Variants in STAG1 observed in about 807,000 individuals in gnomAD.
The protein encoded by STAG1 is STAG1 cohesin complex component, also known as cohesin subunit SA-1.
A neutral mutation model predicts 170.9 loss-of-function variants in STAG1; 26 were observed. The observed-to-expected ratio is 0.15, with a 90% CI of 0.11 to 0.21. The LOEUF (loss-of-function observed/expected upper bound fraction) is 0.21, where lower values mean the gene tolerates loss of function less well. Ranked by LOEUF, STAG1 falls within the 10% of genes least tolerant of loss-of-function variation. STAG1 has a pLI of 1.00. For missense variants in STAG1, 964 were observed against 1,509.5 expected (o/e 0.64, Z 5.99); for synonymous variants, 514 against 497.7 (o/e 1.03, Z -0.44).
chr3:136,431,802 C>T (rs1414921810), intron 16 of STAG1, among the ~76,000 whole-genome samples: 1 of 151,410 alleles, frequency 6.6e-6, no homozygotes, highest in Non-Finnish European at 1.5e-5. Flanking sequence ...TTGCTACTGC[C>T]CTCTACATTA....
intron 7 of STAG1, among the ~76,000 whole-genome samples, chr3:136,516,237 G>C (rs1299984174): frequency 6.6e-6 from 1 of 151,990 alleles, no homozygotes; most frequent in Admixed American, 6.6e-5. Context: ...TGAAAATGCA[G>C]GCTGGGTGTG....
chr3:136,486,998 T>TAA (rs2090027760), intron 9 of STAG1, among the ~76,000 whole-genome samples: 1 of 41,304 alleles, frequency 2.4e-5, no homozygotes, highest in African/African-American at 1.0e-4. Context: ...TTTTATTTCT[T>TAA]CAAAAAAAAA....
In STAG1 at chr3:136,341,432, A is replaced by C; in HGVS notation, c.3557+9T>G. Reference sequence around the variant, plus strand: ...GTTATGTTCTTGTGATACTCCATGTAACACTTACACAGCATGCCTCACTCC... The same window carrying C: ...GTTATGTTCTTGTGATACTCCATGTCACACTTACACAGCATGCCTCACTCC... On this transcript the variant is annotated intron_variant, in intron 31 of 33. Transcript: ENST00000383202. The C allele has an allele frequency of 6.4e-7, 1 of 1,560,782 alleles. No homozygotes were observed. The highest frequency in any genetic ancestry group is 2.2e-5 in the East Asian group (1 of 44,610).
At chr3:136,553,729 G>A (rs1413575835) in intron 5 of STAG1, among the ~76,000 whole-genome samples, 6 of 152,238 alleles carry the variant, frequency 3.9e-5, no homozygotes, top group African/African-American at 9.6e-5. Flanking sequence ...AGCCAAGATC[G>A]CGCCACTGCG....
chr3:136,684,137 C>G (rs1293833738), intron 1 of STAG1, among the ~76,000 whole-genome samples: 1 of 152,128 alleles, frequency 6.6e-6, no homozygotes, highest in Admixed American at 6.5e-5. Context: ...TAATCCCAAC[C>G]AAAATCCTAG....
intron 12 of STAG1, 39 bp from the exon 13 acceptor site, chr3:136,465,027 T>C: frequency 6.8e-7 from 1 of 1,461,216 alleles, no homozygotes; most frequent in Non-Finnish European, 9.4e-7. Context: ...CTAAAGCAAA[T>C]GTTTATTTTC....
At chr3:136,602,970 T>C (rs1938743818) in intron 4 of STAG1, among the ~76,000 whole-genome samples, 1 of 152,112 alleles carries the variant, frequency 6.6e-6, no homozygotes. Context: ...CAATACATGT[T>C]TCACCATTTA....
At chr3:136,751,172 G>GTTTTTTTTTTTTTTT (rs776717703) in intron 1 of STAG1, among the ~76,000 whole-genome samples, 1 of 136,160 alleles carries the variant, frequency 7.3e-6, no homozygotes, top group Non-Finnish European at 1.6e-5. Context: ...GACAAATTGC[G>GTTTTTTTTTTTTTTT]TTTTTTTTTT....
At chr3:136,520,167 GC>G (rs2107903326) in intron 7 of STAG1, among the ~76,000 whole-genome samples, 1 of 152,240 alleles carries the variant, frequency 6.6e-6, no homozygotes, top group South Asian at 2.1e-4. Context: ...AAATTTTAAA[GC>G]AGATATTTGC....
At chr3:136,603,730 AC>A in intron 4 of STAG1, among the ~76,000 whole-genome samples, 1 of 152,116 alleles carries the variant, frequency 6.6e-6, no homozygotes, top group East Asian at 1.9e-4. Context: ...TAAAAAACAT[AC>A]AAAAAATTAG....
chr3:136,411,275 T>A (rs2087616600), intron 21 of STAG1, among the ~76,000 whole-genome samples: 1 of 152,148 alleles, frequency 6.6e-6, no homozygotes, highest in Non-Finnish European at 1.5e-5. Flanking sequence ...GAAATTAATA[T>A]TTTATTTTTC....
intron 6 of STAG1, among the ~76,000 whole-genome samples, chr3:136,535,278 A>T (rs574647840): frequency 6.6e-6 from 1 of 152,326 alleles, no homozygotes; most frequent in South Asian, 2.1e-4. Context: ...AATAGTTATA[A>T]ACTTACAGTT....
chr3:136,362,655 C>T (rs896888357), intron 26 of STAG1, among the ~76,000 whole-genome samples: 5 of 148,140 alleles, frequency 3.4e-5, no homozygotes, highest in East Asian at 2.0e-4. Flanking sequence ...GAAATTTATA[C>T]GGATCATCAA....
intron 4 of STAG1, among the ~76,000 whole-genome samples, chr3:136,592,289 G>A (rs1462069287): frequency 6.6e-6 from 1 of 152,124 alleles, no homozygotes; most frequent in East Asian, 1.9e-4. Context: ...AATCATGGGG[G>A]TGGTATCCCC....
At chr3:136,562,157 G>A (rs1467753201) in intron 5 of STAG1, among the ~76,000 whole-genome samples, 3 of 152,036 alleles carry the variant, frequency 2.0e-5, no homozygotes, top group Admixed American at 6.6e-5. Flanking sequence ...AAGATTTCAC[G>A]TGTCTCAATA....
At chr3:136,419,555 G>A (rs981772873) in intron 20 of STAG1, among the ~76,000 whole-genome samples, 2 of 150,766 alleles carry the variant, frequency 1.3e-5, no homozygotes, top group Admixed American at 6.6e-5. Flanking sequence ...AGCGATTCTC[G>A]TGCCATAGCC....
chr3:136,404,881 G>A (rs923017295), intron 21 of STAG1, among the ~76,000 whole-genome samples: 1 of 152,026 alleles, frequency 6.6e-6, no homozygotes, highest in African/African-American at 2.4e-5. Flanking sequence ...GTGTGTGTGT[G>A]TGTGTGTGTG....
In STAG1 at chr3:136,452,130, T is replaced by C; in HGVS notation, c.1331A>G (p.Asp444Gly). Residue 444 changes from aspartate to glycine, a missense_variant, in exon 14 of 34, where the codon GAC becomes GGC. Asp to Gly is a moderately conservative substitution (Grantham distance 94, BLOSUM62 -1). This residue lies in a region of STAG1 where 162 missense variants were observed against 211.2 expected (regional missense o/e 0.77). Coordinates refer to ENST00000383202, the MANE Select transcript of STAG1 (RefSeq NM_005862.3). ...FLHKKLFSRH[D>G]PQAEEALAKR... is the part of the protein sequence containing the mutation. ...TGCTAATGCTTCTTCTGCTTGTGGG[T>C]CATGTCTGCTAAATAGCCTGGAAAT... is the stretch of plus-strand genomic sequence containing the variant. 1 of 1,612,684 alleles carries C rather than the reference T, an allele frequency of 6.2e-7. No individual in the cohort carries two copies. Among genetic ancestry groups the C allele is most frequent in the Non-Finnish European group, 8.5e-7 (1 of 1,179,390 alleles).
At chr3:136,535,720 A>G (rs1011191304) in intron 6 of STAG1, among the ~76,000 whole-genome samples, 2 of 152,170 alleles carry the variant, frequency 1.3e-5, no homozygotes, top group Non-Finnish European at 2.9e-5. Context: ...TTGAAATGGT[A>G]CCAACACACA....
Sources: gnomAD v4.1 joint callset for allele counts (sites outside exome capture counted in the v4.1 genomes callset) on GRCh38, gnomAD v4.1.1 for gene constraint, gnomAD v4.1.1 regional missense constraint, MANE v1.5 for transcripts, NCBI Gene and HGNC (gene_info 2026-07-23, HGNC 2026-07-21) for gene names.